Variants in TFDP2 observed in about 807,000 individuals in gnomAD.
The protein encoded by TFDP2 is transcription factor Dp-2, also known as transcription factor Dp-2 (E2F dimerization partner 2).
TFDP2 carries 17 observed loss-of-function variants against 59.3 expected under a neutral mutation model. The observed-to-expected ratio is 0.29, with a 90% CI of 0.20 to 0.43. TFDP2 has a LOEUF of 0.43. Among genes scored for constraint, TFDP2 ranks in the 20% least tolerant of loss-of-function variants. TFDP2 has a pLI of 1.00. For missense variants in TFDP2, 391 were observed against 528.8 expected (o/e 0.74, Z 2.56); for synonymous variants, 180 against 194.7 (o/e 0.92, Z 0.63).
intron 4 of TFDP2, among the ~76,000 whole-genome samples, chr3:141,997,107 C>A (rs1325866727): frequency 6.6e-6 from 1 of 152,184 alleles, no homozygotes; most frequent in Non-Finnish European, 1.5e-5. Context: ...CATTTCAGTG[C>A]AGGATCTTTA....
At chr3:141,988,368 A>G (rs1404851649) in intron 6 of TFDP2, among the ~76,000 whole-genome samples, 1 of 152,188 alleles carries the variant, frequency 6.6e-6, no homozygotes. Flanking sequence ...AACTGATCAT[A>G]ACATTTTTCT....
chr3:142,148,262 A>G (rs1429408888), intron 1 of TFDP2, among the ~76,000 whole-genome samples: 1 of 152,210 alleles, frequency 6.6e-6, no homozygotes, highest in Non-Finnish European at 1.5e-5. Context: ...GTGCCCTCTG[A>G]GATGGAATGA....
chr3:142,074,069 G>A (rs1191382208), intron 3 of TFDP2, among the ~76,000 whole-genome samples: 1 of 152,166 alleles, frequency 6.6e-6, no homozygotes, highest in Non-Finnish European at 1.5e-5. Flanking sequence ...AAAACATTAT[G>A]ATACAGACAT....
At position 142,149,481 on chromosome 3, in the gene TFDP2, T is replaced by C. The variant is rs2108768784; in HGVS notation, c.-391A>G. ...ATCGCTACCGATTTCGTCCGCCCTC[T>C]CCCTGCCCAGCTACAGCCCCGCTTC... On this transcript the variant is annotated 5_prime_UTR_variant, in exon 1 of 13. Transcript: ENST00000489671. 5.5e-6 allele frequency: 2 copies of C among 362,800 alleles called. No individual in the cohort carries two copies. Among genetic ancestry groups the C allele is most frequent in the East Asian group, 4.0e-5 (1 of 25,178 alleles). The allele number at this position is 362,800 out of a possible 1,614,324, so 22.5% of individuals were successfully genotyped here. A position where few individuals can be genotyped will look rare whatever the true frequency, so the allele number is the denominator to read the frequency against.
intron 3 of TFDP2, among the ~76,000 whole-genome samples, chr3:142,031,089 T>C (rs78680780): frequency 0.069 from 10,578 of 152,246 alleles, 466 homozygotes; most frequent in Non-Finnish European, 0.11. Context: ...GCCCTCCAAT[T>C]GTCCAGAGCT....
At chr3:141,965,995 A>AC in intron 9 of TFDP2, among the ~76,000 whole-genome samples, 1 of 148,332 alleles carries the variant, frequency 6.7e-6, no homozygotes, top group East Asian at 2.0e-4. Context: ...CACTTTGCCT[A>AC]ACTTGGTGTC....
intron 3 of TFDP2, among the ~76,000 whole-genome samples, chr3:142,064,970 T>C (rs2108526550): frequency 6.6e-6 from 1 of 152,324 alleles, no homozygotes; most frequent in Non-Finnish European, 1.5e-5. Flanking sequence ...TAGTATCTAA[T>C]TATTTAATAT....
At chr3:141,952,848 C>T (rs1272835751) in intron 12 of TFDP2, 63 bp downstream of exon 12, 2 of 1,563,774 alleles carry the variant, frequency 1.3e-6, no homozygotes, top group Non-Finnish European at 1.8e-6. Context: ...GACCCCGGCT[C>T]ACCCCTACAC....
At chr3:142,098,504 C>T (rs768285216) in intron 2 of TFDP2, among the ~76,000 whole-genome samples, 6 of 151,956 alleles carry the variant, frequency 3.9e-5, no homozygotes, top group Non-Finnish European at 8.8e-5. Context: ...CTTAGAGGCT[C>T]AAAGTGGGCT....
intron 1 of TFDP2, among the ~76,000 whole-genome samples, chr3:142,134,393 A>G (rs1391649300): frequency 1.3e-5 from 2 of 151,986 alleles, no homozygotes; most frequent in African/African-American, 4.8e-5. Flanking sequence ...AGAGTTTCCT[A>G]TTTCAGACAT....
At chr3:142,105,126 T>C (rs992615075) in intron 1 of TFDP2, among the ~76,000 whole-genome samples, 2 of 152,152 alleles carry the variant, frequency 1.3e-5, no homozygotes, top group African/African-American at 4.8e-5. Context: ...AACAAAAAAG[T>C]TCAATTTTAA....
rs1310074961 is a variant in TFDP2, at chr3:142,062,200, T to C, written c.82+30861A>G. On this transcript the variant is annotated intron_variant, in intron 3 of 12. Coordinates refer to ENST00000489671, the MANE Select transcript of TFDP2 (RefSeq NM_001178139.2). ...TCTCTGGCTTACTTTATTGTAAGAA[T>C]ACAGTACACAATCTATAACATACAA... is the stretch of plus-strand genomic sequence containing the variant. 2.6e-5 allele frequency among the ~76,000 whole-genome samples: 4 copies of C among 152,070 alleles called. No individual in the cohort carries two copies. The East Asian group carries it at 7.7e-4, about 29-fold the overall frequency.
intron 7 of TFDP2, among the ~76,000 whole-genome samples, chr3:141,975,040 A>G (rs1347705901): frequency 1.3e-5 from 2 of 150,210 alleles, no homozygotes; most frequent in African/African-American, 5.0e-5. Flanking sequence ...CAGCCTCCCA[A>G]GTAGCTGGCA....
intron 6 of TFDP2, among the ~76,000 whole-genome samples, chr3:141,985,346 T>C (rs1941965968): frequency 6.6e-6 from 1 of 151,592 alleles, no homozygotes. Context: ...CTGGGCAACA[T>C]AGTGAGACCT....
intron 11 of TFDP2, among the ~76,000 whole-genome samples, chr3:141,953,517 A>C: frequency 6.6e-6 from 1 of 152,200 alleles, no homozygotes; most frequent in East Asian, 1.9e-4. Context: ...ATGTCTTTTC[A>C]GGTGCCTGCT....
intron 7 of TFDP2, among the ~76,000 whole-genome samples, chr3:141,974,676 G>A (rs1304029398): frequency 6.6e-6 from 1 of 152,038 alleles, no homozygotes; most frequent in Non-Finnish European, 1.5e-5. Flanking sequence ...AGGTATTGGA[G>A]GTAAAGTGTT....
At chr3:141,962,411 T>A (rs1937478712) in intron 10 of TFDP2, among the ~76,000 whole-genome samples, 1 of 151,948 alleles carries the variant, frequency 6.6e-6, no homozygotes, top group African/African-American at 2.4e-5. Flanking sequence ...CAGGCTGGAG[T>A]GTAGTGGCAC....
At chr3:142,003,137 G>A (rs1943943423) in intron 4 of TFDP2, among the ~76,000 whole-genome samples, 3 of 151,928 alleles carry the variant, frequency 2.0e-5, no homozygotes, top group African/African-American at 4.8e-5. Flanking sequence ...CGAGTATCTG[G>A]GACTACATGT....
intron 3 of TFDP2, among the ~76,000 whole-genome samples, chr3:142,039,951 A>T (rs1352809591): frequency 6.6e-6 from 1 of 151,968 alleles, no homozygotes; most frequent in African/African-American, 2.4e-5. Flanking sequence ...ATCCAAATCC[A>T]CCTCAACTCC....
Sources: allele counts gnomAD v4.1 joint callset (sites outside exome capture counted in the v4.1 genomes callset), GRCh38; gene constraint gnomAD v4.1.1; transcripts MANE v1.5; gene names NCBI Gene and HGNC (gene_info 2026-07-23, HGNC 2026-07-21).